The following MLLT6 variants were observed in gnomAD, a reference collection of about 807,000 sequenced individuals.
MLLT6 encodes the protein protein AF-17.
MLLT6 carries 22 observed loss-of-function variants against 103.0 expected under a neutral mutation model. That is an observed-to-expected ratio of 0.21 (90% CI 0.15 to 0.31). The LOEUF is 0.31. MLLT6 is among the 10% of genes least tolerant of loss of function. MLLT6 has a pLI of 1.00. For missense variants in MLLT6, 1,199 were observed against 1,441.7 expected, an observed-to-expected ratio of 0.83 and a Z score of 2.73; for synonymous variants, 606 against 623.5, an observed-to-expected ratio of 0.97 and a Z score of 0.42.
chr17:38,716,919 G>T lies in MLLT6; in HGVS notation c.1589G>T (p.Arg530Leu). 1 of 1,613,740 alleles carries T rather than the reference G, an allele frequency of 6.2e-7. No individual in the cohort carries two copies. The highest frequency in any genetic ancestry group is 8.5e-7 in the Non-Finnish European group (1 of 1,179,918). The stretch of plus-strand genomic sequence containing the variant: ...TCCGGCCTGGGAGGTCTGTCCTCCC[G>T]AACCTTTGGGCCTTCTGGGAGCTTG... ...VSSGLGGLSS[R>L]TFGPSGSLPS... Residue 530 changes from arginine (R) to leucine (L), a missense_variant, in exon 10 of 20, where the codon CGA becomes CTA. By Grantham distance (102) the Arg-to-Leu change is moderately radical (BLOSUM62 -2). Around this residue, in one of 7 missense-constraint regions of MLLT6, gnomAD observed 1,034 missense variants for 1,091.5 expected, o/e 0.95. Transcript: ENST00000621332. The surrounding 1 kb of genome is among the most constrained non-coding windows in gnomAD (Gnocchi z 5.6).
At chr17:38,721,671 C>T (rs905259098) in intron 16 of MLLT6, among the ~76,000 whole-genome samples, 6 of 152,186 alleles carry the variant, frequency 3.9e-5, no homozygotes, top group African/African-American at 1.4e-4. Context: ...TGATGAGGGG[C>T]GCTGGACTCC....
chr17:38,711,416 G>A (rs1905136337), intron 6 of MLLT6, among the ~76,000 whole-genome samples: 1 of 152,154 alleles, frequency 6.6e-6, no homozygotes, highest in South Asian at 2.1e-4. Context: ...TGTCTGGAGG[G>A]AGGATTGGAT....
intron 8 of MLLT6, chr17:38,714,186 A>T (rs1905237845): frequency 6.6e-6 from 1 of 152,232 alleles, no homozygotes. Flanking sequence ...GATGGGGCAC[A>T]GGGAGGTTAA....
chr17:38,709,477 G>A lies in MLLT6; in HGVS notation c.459-5G>A. ...CAGCCGTCTCAGGCTGCCTTCTCTGGTTAGTGCCCAAATGGCAGGCTTGCT... is the reference window on the plus strand; with the variant it reads ...CAGCCGTCTCAGGCTGCCTTCTCTGATTAGTGCCCAAATGGCAGGCTTGCT... On this transcript the variant is annotated splice_polypyrimidine_tract_variant and splice_region_variant and intron_variant, in intron 5 of 19. Transcript: ENST00000621332. The surrounding 1 kb of genome is among the most constrained non-coding windows in gnomAD (Gnocchi z 4.3). 6.2e-7 allele frequency: 1 copy of A among 1,613,746 alleles called. No homozygotes were observed. Among genetic ancestry groups the A allele is most frequent in the Non-Finnish European group, 8.5e-7 (1 of 1,179,584 alleles).
At position 38,729,089 on chromosome 17, in the gene MLLT6, G is replaced by A; in HGVS notation, c.*3491G>A. ...AGAGAAATGAGAGGAGCCCAAGCCAGGGGCCAGCTCCGAGAAAGGGTAACC... is the reference window on the plus strand; with the variant it reads ...AGAGAAATGAGAGGAGCCCAAGCCAAGGGCCAGCTCCGAGAAAGGGTAACC... On this transcript the variant is annotated 3_prime_UTR_variant, in exon 20 of 20. Transcript: ENST00000621332. 4.3e-6 allele frequency: 1 copy of A among 233,340 alleles called. No homozygotes were observed. The highest frequency in any genetic ancestry group is 8.5e-6 in the Non-Finnish European group (1 of 118,056). The allele number at this position is 233,340 out of a possible 1,614,324, so 14.5% of individuals were successfully genotyped here. A position where few individuals can be genotyped will look rare whatever the true frequency, so the allele number is the denominator to read the frequency against.
Position 38,720,461 on chromosome 17 carries a change from C to G in MLLT6, c.2245C>G (p.Arg749Gly). The G allele has an allele frequency of 6.2e-7, 1 of 1,612,948 alleles. No individual in the cohort carries two copies. Among genetic ancestry groups the G allele is most frequent in the Middle Eastern group, 1.7e-4 (1 of 6,048 alleles). The part of the protein sequence containing the change: ...QILSLTAKKE[R>G]LQILNVQLSV... ...CCTGAGCCTGACGGCCAAAAAGGAG[C>G]GGCTGCAGATTCTCAACGTGCAGCT... The change falls in exon 15 of 20, where the codon CGG (arginine) becomes GGG (glycine). Residue 749 changes from arginine to glycine, a missense_variant. Physicochemically the swap from Arg to Gly is moderately radical, Grantham distance 125 (BLOSUM62 -2). This residue lies in a region of MLLT6 where 1,034 missense variants were observed against 1,091.5 expected (regional missense o/e 0.95). Coordinates refer to ENST00000621332, the MANE Select transcript of MLLT6 (RefSeq NM_005937.4).
In MLLT6 at chr17:38,709,960, C is replaced by T. The variant is rs1463529420; in HGVS notation, c.552+385C>T. Reference sequence around the variant, plus strand: ...TGCCATGTGTTATTTTGTGTGGTCCCCCCACCAACCCTAAGAACTAGGTGT... The same window carrying T: ...TGCCATGTGTTATTTTGTGTGGTCCTCCCACCAACCCTAAGAACTAGGTGT... On this transcript the variant is annotated intron_variant, in intron 6 of 19. Coordinates refer to ENST00000621332, the MANE Select transcript of MLLT6 (RefSeq NM_005937.4). This position sits in a 1 kb window ranked among gnomAD's most constrained non-coding sequence, Gnocchi z 4.3. Among the ~76,000 whole-genome samples the T allele has an allele frequency of 6.6e-6, 1 of 152,198 alleles. No homozygotes were observed. The highest frequency in any genetic ancestry group is 1.5e-5 in the Non-Finnish European group (1 of 68,028).
Position 38,716,877 on chromosome 17 carries a change from G to A in MLLT6, c.1547G>A (p.Gly516Glu). ...FTATAASPFS[G>E]GSLVSSGLGG... ...GCCACTGCTGCCTCACCCTTCTCTG[G>A]AGGTTCCCTGGTCAGCTCCGGCCTG... The change falls in exon 10 of 20, where the codon GGA (glycine) becomes GAA (glutamate). Residue 516 changes from glycine to glutamate, a missense_variant. By Grantham distance (98) the Gly-to-Glu change is moderately conservative. Around this residue, in one of 7 missense-constraint regions of MLLT6, gnomAD observed 1,034 missense variants for 1,091.5 expected, o/e 0.95. Transcript: ENST00000621332. The surrounding 1 kb of genome is among the most constrained non-coding windows in gnomAD (Gnocchi z 5.6). 1 of 1,613,690 alleles carries A rather than the reference G, an allele frequency of 6.2e-7. No homozygotes were observed. Among genetic ancestry groups the A allele is most frequent in the Non-Finnish European group, 8.5e-7 (1 of 1,179,810 alleles).
Position 38,712,750 on chromosome 17 carries a change from C to G in MLLT6, c.780C>G (p.Pro260=). 6.2e-7 allele frequency: 1 copy of G among 1,613,932 alleles called. No homozygotes were observed. Among genetic ancestry groups the G allele is most frequent in the East Asian group, 2.2e-5 (1 of 44,866 alleles). ...ACAAGAAGCGGCCTGAGTCGCCCCC[C>G]AGCATCCTCACCCCGCCCGTGGTCC... ...QKHKKRPESP[P]SILTPPVVPT... is the part of the protein sequence containing the mutation. Residue 260 remains proline, a synonymous_variant, in exon 8 of 20, where the codon CCC becomes CCG. Coordinates refer to ENST00000621332, the MANE Select transcript of MLLT6 (RefSeq NM_005937.4).
rs1280812244 is a variant in MLLT6, at chr17:38,729,691, G to C, written c.*4093G>C. On this transcript the variant is annotated 3_prime_UTR_variant, in exon 20 of 20. Coordinates refer to ENST00000621332, the MANE Select transcript of MLLT6 (RefSeq NM_005937.4). ...CCAAGCCTGGAATTGTGCATAACCC[G>C]GATCTTGTATCTTTGTATAACGGAT... 4.4e-6 allele frequency: 1 copy of C among 226,610 alleles called. No homozygotes were observed. The highest frequency in any genetic ancestry group is 8.8e-6 in the Non-Finnish European group (1 of 113,922). 14.0% of individuals were successfully genotyped at this position (226,610 alleles called of 1,614,324 possible).
At chr17:38,719,616 G>C (rs1260857766) in intron 13 of MLLT6, 33 bp downstream of exon 13, 2 of 1,583,528 alleles carry the variant, frequency 1.3e-6, no homozygotes, top group Admixed American at 3.5e-5. Flanking sequence ...GGAGGGGCTG[G>C]GGGCAGGAGG....
At chr17:38,715,990 C>T in intron 9 of MLLT6, 162 bp downstream of exon 9, 1 of 693,638 alleles carries the variant, frequency 1.4e-6, no homozygotes. Context: ...GCCCCCAAAC[C>T]CTTCCTTCTT....
At chr17:38,714,293 C>G (rs1948652830) in intron 8 of MLLT6, 1 of 152,274 alleles carries the variant, frequency 6.6e-6, no homozygotes, top group Non-Finnish European at 1.5e-5. Flanking sequence ...GCCCACAGCA[C>G]TGTCTCTGCA....
chr17:38,710,769 AATT>A (rs765211047), intron 6 of MLLT6, among the ~76,000 whole-genome samples: 17 of 152,134 alleles, frequency 1.1e-4, no homozygotes, highest in Non-Finnish European at 1.9e-4. Flanking sequence ...GCCCTGGTGT[AATT>A]ATTATTAGTT....
chr17:38,709,031 C>T lies in MLLT6; in HGVS notation c.355-142C>T, dbSNP rs1905046598. On this transcript the variant is annotated intron_variant, in intron 4 of 19. Transcript: ENST00000621332. This position sits in a 1 kb window ranked among gnomAD's most constrained non-coding sequence, Gnocchi z 4.3. ...GTCTTGGACGGCGCAGACCATAGAG[C>T]GTTTTCATCACTGCAGACAGTTCTG... is the stretch of plus-strand genomic sequence containing the variant. 7 of 676,914 alleles carry T rather than the reference C, an allele frequency of 1.0e-5. No homozygotes were observed. Among genetic ancestry groups the T allele is most frequent in the South Asian group, 3.7e-5 (2 of 54,536 alleles). 41.9% of individuals were successfully genotyped at this position (676,914 alleles called of 1,614,324 possible). A position where few individuals can be genotyped will look rare whatever the true frequency, so the allele number is the denominator to read the frequency against.
chr17:38,720,620 G>C (rs757919649), intron 15 of MLLT6, 39 bp from the exon 16 acceptor site: 1 of 1,613,214 alleles, frequency 6.2e-7, no homozygotes, highest in Admixed American at 1.7e-5. Context: ...CTGAAGTCCG[G>C]ACTGGCCCTG....
chr17:38,714,849 C>T (rs1390775613), intron 8 of MLLT6: 1 of 152,338 alleles, frequency 6.6e-6, no homozygotes, highest in Non-Finnish European at 1.5e-5. Flanking sequence ...CAACCACCAC[C>T]CTGCCGCTCT....
Position 38,712,710 on chromosome 17 carries a change from G to A in MLLT6, c.740G>A (p.Arg247His), listed in dbSNP as rs930654375. The A allele has an allele frequency of 3.1e-6, 5 of 1,613,676 alleles. No homozygotes were observed. The highest frequency in any genetic ancestry group is 1.3e-5 in the African/African-American group (1 of 74,978). The change falls in exon 8 of 20, where the codon CGC becomes CAC. Residue 247 changes from arginine (R) to histidine (H), a missense_variant. Physicochemically the swap from Arg to His is conservative, Grantham distance 29. Coordinates refer to ENST00000621332, the MANE Select transcript of MLLT6 (RefSeq NM_005937.4). ...GQKKSRKDKERLKQKHKKRPE... is the reference protein window; with the variant it reads ...GQKKSRKDKEHLKQKHKKRPE... ...CTCCAGAGTCGAAAGGACAAAGAAC[G>A]CCTTAAGCAGAAGCACAAGAAGCGG... is the stretch of plus-strand genomic sequence containing the variant.
Position 38,725,858 on chromosome 17 carries a change from G to C in MLLT6, c.*260G>C. 2.1e-6 allele frequency: 1 copy of C among 479,602 alleles called. No homozygotes were observed. The highest frequency in any genetic ancestry group is 3.8e-5 in the South Asian group (1 of 26,276). 29.7% of individuals were successfully genotyped at this position (479,602 alleles called of 1,614,324 possible). On this transcript the variant is annotated 3_prime_UTR_variant, in exon 20 of 20. Transcript: ENST00000621332. Reference sequence around the variant, plus strand: ...AAGGACAGTCTGCAAGCCCGCCTAGGAGGTCCATCCCCAGCAAATGTTTTG... The same window carrying C: ...AAGGACAGTCTGCAAGCCCGCCTAGCAGGTCCATCCCCAGCAAATGTTTTG...
Sources: allele counts gnomAD v4.1 joint callset (sites outside exome capture counted in the v4.1 genomes callset), GRCh38; gene constraint gnomAD v4.1.1; regional missense constraint gnomAD v4.1.1; non-coding constraint Gnocchi (gnomAD v3.1); transcripts MANE v1.5; gene names NCBI Gene and HGNC (gene_info 2026-07-23, HGNC 2026-07-21).